Variants in PCDH15 observed in about 807,000 individuals in gnomAD.
PCDH15 encodes protocadherin-15.
PCDH15 carries 129 observed loss-of-function variants against 178.5 expected under a neutral mutation model. The ratio of observed to expected loss-of-function variants is 0.72; its 90% CI spans 0.63 to 0.84. PCDH15 has a LOEUF of 0.84. PCDH15 is among the 40% of genes least tolerant of loss of function. The probability of loss-of-function intolerance (pLI) is 0.00; values close to 1 mark genes in which losing one functional copy is unlikely to be tolerated. For missense variants in PCDH15, 2,230 were observed against 2,099.9 expected, an observed-to-expected ratio of 1.06 and a Z score of -1.21; for synonymous variants, 800 against 732.0, an observed-to-expected ratio of 1.09 and a Z score of -1.50.
intron 9 of PCDH15, among the ~76,000 whole-genome samples, chr10:54,216,306 A>C (rs1282253699): frequency 6.6e-6 from 1 of 151,202 alleles, no homozygotes; most frequent in East Asian, 2.0e-4. Flanking sequence ...AAATACAAAA[A>C]TTAGCTGGGC....
chr10:55,098,406 A>G (rs1210553196), intron 2 of PCDH15, among the ~76,000 whole-genome samples: 2 of 152,138 alleles, frequency 1.3e-5, no homozygotes, highest in Non-Finnish European at 2.9e-5. Context: ...CTTTTAATGA[A>G]AAGCAGCCCC....
At chr10:54,860,952 T>A (rs2131780131) in intron 3 of PCDH15, among the ~76,000 whole-genome samples, 1 of 152,306 alleles carries the variant, frequency 6.6e-6, no homozygotes, top group Non-Finnish European at 1.5e-5. Flanking sequence ...GGGAATCTTC[T>A]TTTTAATGGT....
At chr10:54,977,821 G>A (rs1017757267) in intron 2 of PCDH15, among the ~76,000 whole-genome samples, 14 of 152,044 alleles carry the variant, frequency 9.2e-5, no homozygotes, top group African/African-American at 3.4e-4. Flanking sequence ...TTTGTATTTG[G>A]TATTCACAAC....
At chr10:54,156,282 T>A (rs1054049926) in intron 13 of PCDH15, among the ~76,000 whole-genome samples, 6 of 152,154 alleles carry the variant, frequency 3.9e-5, no homozygotes, top group African/African-American at 1.4e-4. Flanking sequence ...TCCCCATCTG[T>A]ATTAGTCTGT....
At chr10:54,695,044 C>G (rs1176705815) in intron 1 of PCDH15, among the ~76,000 whole-genome samples, 1 of 150,468 alleles carries the variant, frequency 6.6e-6, no homozygotes, top group Non-Finnish European at 1.5e-5. Flanking sequence ...AACAGTCACA[C>G]ACCAGGGCCT....
In PCDH15 at chr10:53,822,646, CAGG is replaced by C. The variant is rs2076368967; in HGVS notation, c.4368-2419_4368-2417del. The stretch of plus-strand genomic sequence containing the variant: ...GGAGAAAGTTCCAAGGAACACTCAG[CAGG>C]AGAACTGATGACATTAGGTTCTGAT... On this transcript the variant is annotated intron_variant, in intron 32 of 37. Coordinates refer to ENST00000644397, the MANE Select transcript of PCDH15 (RefSeq NM_001384140.1). 6.2e-7 allele frequency: 1 copy of C among 1,613,982 alleles called. No homozygotes were observed. Among genetic ancestry groups the C allele is most frequent in the Non-Finnish European group, 8.5e-7 (1 of 1,179,976 alleles).
At chr10:55,272,952 C>A (rs367630599) in intron 1 of PCDH15, among the ~76,000 whole-genome samples, 1 of 151,972 alleles carries the variant, frequency 6.6e-6, no homozygotes, top group Non-Finnish European at 1.5e-5. Context: ...TCTATTAAAG[C>A]GATGTGCTGT....
At chr10:54,283,419 A>T (rs931630429) in intron 8 of PCDH15, among the ~76,000 whole-genome samples, 1 of 152,120 alleles carries the variant, frequency 6.6e-6, no homozygotes, top group Non-Finnish European at 1.5e-5. Flanking sequence ...TAGAAAATAC[A>T]AGTACTGGTA....
chr10:54,363,631 A>G (rs1042172894), intron 5 of PCDH15, among the ~76,000 whole-genome samples: 7 of 152,176 alleles, frequency 4.6e-5, no homozygotes, highest in African/African-American at 1.4e-4. Flanking sequence ...TCAACAGAGT[A>G]GAATTGCTGA....
chr10:54,006,534 A>C (rs980671525), intron 20 of PCDH15, among the ~76,000 whole-genome samples: 1 of 152,034 alleles, frequency 6.6e-6, no homozygotes, highest in Admixed American at 6.6e-5. Context: ...GTCTGGGACA[A>C]CCTCCTGGTC....
chr10:55,554,963 G>A (rs1022603612), intron 2 of PCDH15, among the ~76,000 whole-genome samples: 3 of 151,966 alleles, frequency 2.0e-5, no homozygotes, highest in African/African-American at 7.2e-5. Flanking sequence ...TTTTACCCCT[G>A]AAAAGGGTTT....
At chr10:54,081,311 A>AATATAT (rs34211054) in intron 16 of PCDH15, among the ~76,000 whole-genome samples, 2,221 of 150,774 alleles carry the variant, frequency 0.015, 26 homozygotes, top group Middle Eastern at 0.07. Flanking sequence ...TAGTATTTGG[A>AATATAT]ATATATATGT....
chr10:54,448,673 C>T (rs532975593), intron 3 of PCDH15, among the ~76,000 whole-genome samples: 13 of 151,738 alleles, frequency 8.6e-5, no homozygotes, highest in South Asian at 6.2e-4. Flanking sequence ...TAAGTTACAA[C>T]AATATTGTCT....
chr10:55,205,407 C>T (rs951619219), intron 1 of PCDH15, among the ~76,000 whole-genome samples: 4 of 151,752 alleles, frequency 2.6e-5, no homozygotes, highest in African/African-American at 9.7e-5. Context: ...ATATGTAGGA[C>T]ATATAATTAT....
At chr10:53,952,923 C>A (rs1406186094) in intron 23 of PCDH15, among the ~76,000 whole-genome samples, 1 of 152,208 alleles carries the variant, frequency 6.6e-6, no homozygotes, top group Non-Finnish European at 1.5e-5. Flanking sequence ...TTGGAGCAGG[C>A]CCTGGAAGCA....
chr10:55,097,238 GT>G (rs1441077016), intron 2 of PCDH15, among the ~76,000 whole-genome samples: 1 of 152,028 alleles, frequency 6.6e-6, no homozygotes, highest in Non-Finnish European at 1.5e-5. Context: ...GCTATATCCT[GT>G]CACGGTGCAA....
At chr10:55,148,195 C>T (rs554361158) in intron 2 of PCDH15, among the ~76,000 whole-genome samples, 1 of 151,860 alleles carries the variant, frequency 6.6e-6, no homozygotes, top group Non-Finnish European at 1.5e-5. Context: ...AACATTCTCC[C>T]AAACAAAATT....
chr10:55,305,206 A>G (rs566867353), intron 1 of PCDH15, among the ~76,000 whole-genome samples: 1 of 152,370 alleles, frequency 6.6e-6, no homozygotes, highest in Non-Finnish European at 1.5e-5. Context: ...TGGTAACAGA[A>G]CAAGGAGTCA....
chr10:55,183,887 T>G (rs1359614970), intron 1 of PCDH15, among the ~76,000 whole-genome samples: 1 of 151,976 alleles, frequency 6.6e-6, no homozygotes, highest in Non-Finnish European at 1.5e-5. Flanking sequence ...TTATTATTAA[T>G]AATTACATTT....
Sources: gnomAD v4.1 joint callset for allele counts (sites outside exome capture counted in the v4.1 genomes callset) on GRCh38, gnomAD v4.1.1 for gene constraint, MANE v1.5 for transcripts, NCBI Gene and HGNC (gene_info 2026-07-23, HGNC 2026-07-21) for gene names.